The following TMCC3 variants were observed in gnomAD, a reference collection of about 807,000 sequenced individuals.
TMCC3 encodes transmembrane and coiled-coil domain protein 3.
In TMCC3, 28 loss-of-function variants were observed where a neutral mutation model predicts 40.2. That is an observed-to-expected ratio of 0.70 (90% CI 0.52 to 0.95). The LOEUF is 0.95. Ranked by LOEUF, TMCC3 falls within the 40% of genes least tolerant of loss-of-function variation. The probability of loss-of-function intolerance (pLI) is 0.00; values close to 1 mark genes in which losing one functional copy is unlikely to be tolerated. For missense variants in TMCC3, 554 were observed against 615.2 expected, an observed-to-expected ratio of 0.90 and a Z score of 1.05; for synonymous variants, 255 against 248.5, an observed-to-expected ratio of 1.03 and a Z score of -0.25.
intron 1 of TMCC3, among the ~76,000 whole-genome samples, chr12:94,614,431 C>T (rs780368854): frequency 6.6e-6 from 1 of 152,130 alleles, no homozygotes; most frequent in Non-Finnish European, 1.5e-5. Context: ...CAAAAACAAC[C>T]TCCTCTCCAT....
chr12:94,623,581 A>G (rs1182084348), intron 1 of TMCC3, among the ~76,000 whole-genome samples: 1 of 152,224 alleles, frequency 6.6e-6, no homozygotes, highest in Admixed American at 6.5e-5. Flanking sequence ...TTGGCTGTAA[A>G]GAGAGCACGG....
chr12:94,619,048 G>A (rs940696540), intron 1 of TMCC3, among the ~76,000 whole-genome samples: 1 of 152,172 alleles, frequency 6.6e-6, no homozygotes, highest in Non-Finnish European at 1.5e-5. Context: ...CTGACGAGAG[G>A]TGCAGAGTCT....
At chr12:94,589,137 G>T (rs12579371) in intron 1 of TMCC3, among the ~76,000 whole-genome samples, 12,823 of 135,918 alleles carry the variant, frequency 0.094, 1,148 homozygotes, top group African/African-American at 0.24. Context: ...TGAGGTTGTT[G>T]TTTTTTTTTA....
At chr12:94,597,607 C>G (rs2138845889) in intron 1 of TMCC3, among the ~76,000 whole-genome samples, 1 of 152,200 alleles carries the variant, frequency 6.6e-6, no homozygotes, top group Middle Eastern at 3.4e-3. Context: ...GAGTTCGAGA[C>G]CAGCCTGGTC....
intron 1 of TMCC3, among the ~76,000 whole-genome samples, chr12:94,592,661 C>CAAACAAA (rs1179258894): frequency 3.6e-5 from 1 of 27,496 alleles, no homozygotes; most frequent in African/African-American, 1.4e-4. Context: ...GGCTCCATCT[C>CAAACAAA]AAAAAAAAAA....
At chr12:94,649,262 A>G (rs997443639) in intron 1 of TMCC3, among the ~76,000 whole-genome samples, 2 of 152,212 alleles carry the variant, frequency 1.3e-5, no homozygotes, top group African/African-American at 4.8e-5. Flanking sequence ...TCAAATTATG[A>G]GTGAAGACCA....
At chr12:94,588,133 T>C (rs538629700) in intron 1 of TMCC3, among the ~76,000 whole-genome samples, 1 of 152,244 alleles carries the variant, frequency 6.6e-6, no homozygotes, top group South Asian at 2.1e-4. Flanking sequence ...CTCACCTTAC[T>C]CACCGGACAC....
Position 94,571,381 on chromosome 12 carries a change from G to C in TMCC3, c.*54C>G. 2 of 1,569,798 alleles carry C rather than the reference G, an allele frequency of 1.3e-6. No individual in the cohort carries two copies. On this transcript the variant is annotated 3_prime_UTR_variant, in exon 4 of 4. Coordinates refer to ENST00000261226, the MANE Select transcript of TMCC3 (RefSeq NM_020698.4). The stretch of plus-strand genomic sequence containing the variant: ...ACTGTAAAATTTGGTAGTATGCACA[G>C]AGTTTTCTTTAAAATAAAAACTTGA...
At chr12:94,604,525 G>A (rs967874029) in intron 1 of TMCC3, among the ~76,000 whole-genome samples, 5 of 151,584 alleles carry the variant, frequency 3.3e-5, no homozygotes, top group African/African-American at 9.7e-5. Flanking sequence ...ATGTAACAAG[G>A]CCAGGCACAG....
At chr12:94,585,856 C>G (rs2068635522) in intron 1 of TMCC3, among the ~76,000 whole-genome samples, 1 of 152,194 alleles carries the variant, frequency 6.6e-6, no homozygotes, top group Admixed American at 6.5e-5. Context: ...CACTTTAACC[C>G]CCTGCAGACT....
At chr12:94,618,410 G>A (rs1349773109) in intron 1 of TMCC3, among the ~76,000 whole-genome samples, 4 of 152,144 alleles carry the variant, frequency 2.6e-5, no homozygotes, top group Non-Finnish European at 4.4e-5. Flanking sequence ...CACATTCTGT[G>A]TCTCAGTCAC....
intron 1 of TMCC3, among the ~76,000 whole-genome samples, chr12:94,613,048 G>T (rs940774053): frequency 1.3e-5 from 2 of 151,594 alleles, no homozygotes; most frequent in African/African-American, 4.9e-5. Context: ...AAAATGGAGA[G>T]ATATATATAC....
chr12:94,606,716 C>CTGCA, intron 1 of TMCC3, among the ~76,000 whole-genome samples: 1 of 152,196 alleles, frequency 6.6e-6, no homozygotes, highest in African/African-American at 2.4e-5. Context: ...TGACCCCGAG[C>CTGCA]TGCAAAACCA....
intron 1 of TMCC3, among the ~76,000 whole-genome samples, chr12:94,618,131 C>T (rs1229946060): frequency 1.3e-5 from 2 of 152,188 alleles, no homozygotes; most frequent in Non-Finnish European, 2.9e-5. Context: ...ACCAGACTGA[C>T]CAGTAAGGCA....
At chr12:94,580,926 G>C (rs983295349) in intron 2 of TMCC3, among the ~76,000 whole-genome samples, 1 of 152,150 alleles carries the variant, frequency 6.6e-6, no homozygotes, top group Non-Finnish European at 1.5e-5. Flanking sequence ...ATCTTAAGAT[G>C]CACGTGAGTT....
rs550151055 is a variant in TMCC3 at position 94,610,429 on chromosome 12, C to CA, written c.79-27892dup. Among the ~76,000 whole-genome samples, 110 of 137,170 alleles carry CA rather than the reference C, an allele frequency of 8.0e-4. 2 individuals are homozygous for CA. In the East Asian group the frequency reaches 0.019, roughly 24 times the overall value. 90.0% of individuals were successfully genotyped at this position (137,170 alleles called of 152,430 possible). On this transcript the variant is annotated intron_variant, in intron 1 of 3. Transcript: ENST00000261226. Reference sequence around the variant, plus strand: ...AGTTCTGAAAACACCTTAAGGCAGGCAAAAAAAAAAAAAATTTTTTTTTCA... The same window carrying CA: ...AGTTCTGAAAACACCTTAAGGCAGGCAAAAAAAAAAAAAAATTTTTTTTTCA...
chr12:94,620,569 T>A (rs2068870852), intron 1 of TMCC3, among the ~76,000 whole-genome samples: 1 of 152,076 alleles, frequency 6.6e-6, no homozygotes, highest in Non-Finnish European at 1.5e-5. Context: ...ATTACAGGCA[T>A]GAGCTACTGT....
At chr12:94,609,316 G>T (rs2068801537) in intron 1 of TMCC3, among the ~76,000 whole-genome samples, 1 of 152,142 alleles carries the variant, frequency 6.6e-6, no homozygotes, top group African/African-American at 2.4e-5. Flanking sequence ...TTTGAACCCA[G>T]GTGTGATTCA....
chr12:94,624,383 T>G (rs1278810860), intron 1 of TMCC3, among the ~76,000 whole-genome samples: 1 of 152,158 alleles, frequency 6.6e-6, no homozygotes, highest in Non-Finnish European at 1.5e-5. Flanking sequence ...ACAACCCAAA[T>G]GTCCACCAAA....
Sources: gnomAD v4.1 joint callset for allele counts (sites outside exome capture counted in the v4.1 genomes callset) on GRCh38, gnomAD v4.1.1 for gene constraint, MANE v1.5 for transcripts, NCBI Gene and HGNC (gene_info 2026-07-23, HGNC 2026-07-21) for gene names.